SGPL1: variants seen among roughly 807,000 people sequenced by gnomAD.
The protein encoded by SGPL1 is sphingosine-1-phosphate lyase 1, also known as SP-lyase 1.
A neutral mutation model predicts 68.9 loss-of-function variants in SGPL1; 37 were observed. The ratio of observed to expected loss-of-function variants is 0.54; its 90% CI spans 0.41 to 0.71. The LOEUF (loss-of-function observed/expected upper bound fraction) is 0.71, where lower values mean the gene tolerates loss of function less well. SGPL1 is among the 30% of genes least tolerant of loss of function. The pLI is 0.00. For synonymous variants in SGPL1, 236 were observed against 248.5 expected, an observed-to-expected ratio of 0.95 and a Z score of 0.47; for missense variants, 551 against 704.6, an observed-to-expected ratio of 0.78 and a Z score of 2.47.
chr10:70,851,454 G>T, intron 4 of SGPL1, among the ~76,000 whole-genome samples: 1 of 150,934 alleles, frequency 6.6e-6, no homozygotes, highest in Middle Eastern at 3.4e-3. Context: ...GTACAGGGCA[G>T]CCCCCCCCCA....
chr10:70,850,865 G>A (rs1016540846), intron 3 of SGPL1, among the ~76,000 whole-genome samples: 4 of 139,758 alleles, frequency 2.9e-5, no homozygotes, highest in African/African-American at 1.0e-4. Flanking sequence ...AGGAAACTCA[G>A]GGGGGTAGCA....
At chr10:70,875,646 G>T in intron 13 of SGPL1, 98 bp downstream of exon 13, 1 of 888,336 alleles carries the variant, frequency 1.1e-6, no homozygotes, top group Non-Finnish European at 1.7e-6. Flanking sequence ...ACTGCTAGAG[G>T]CTAGCACGTT....
intron 2 of SGPL1, among the ~76,000 whole-genome samples, chr10:70,827,771 C>G (rs561136212): frequency 2.6e-4 from 39 of 152,206 alleles, no homozygotes; most frequent in African/African-American, 8.2e-4. Flanking sequence ...ACTTCCAGAT[C>G]AAGATATTAA....
chr10:70,838,376 T>C (rs955036835), intron 2 of SGPL1, among the ~76,000 whole-genome samples: 1 of 152,200 alleles, frequency 6.6e-6, no homozygotes, highest in African/African-American at 2.4e-5. Context: ...AGTGCTACTA[T>C]TGGAAGTTTG....
At chr10:70,832,165 A>C (rs1845551451) in intron 2 of SGPL1, among the ~76,000 whole-genome samples, 1 of 152,174 alleles carries the variant, frequency 6.6e-6, no homozygotes, top group African/African-American at 2.4e-5. Context: ...TTTTAAATTA[A>C]ATTTACTCAG....
At position 70,854,775 on chromosome 10, in the gene SGPL1, A is replaced by T; in HGVS notation, c.329A>T (p.Lys110Ile). The part of the protein sequence containing the change: ...SKNMSFLKVD[K>I]EYVKALPSQG... Reference sequence around the variant, plus strand: ...AACATGTCATTCCTGAAAGTGGACAAAGAGTATGTGAAAGCTTTACCCTCC... The same window carrying T: ...AACATGTCATTCCTGAAAGTGGACATAGAGTATGTGAAAGCTTTACCCTCC... Residue 110 changes from lysine (K) to isoleucine (I), a missense_variant, in exon 5 of 15, where the codon AAA becomes ATA. Transcript: ENST00000373202. The T allele has an allele frequency of 6.2e-7, 1 of 1,614,044 alleles. No homozygotes were observed. Among genetic ancestry groups the T allele is most frequent in the Non-Finnish European group, 8.5e-7 (1 of 1,179,924 alleles).
rs1225419149 is a variant in SGPL1 at position 70,873,479 on chromosome 10, G to T, written c.1188G>T (p.Arg396=). 2 of 1,614,268 alleles carry T rather than the reference G, an allele frequency of 1.2e-6. No individual in the cohort carries two copies. The highest frequency in any genetic ancestry group is 1.3e-5 in the African/African-American group (1 of 75,074). Residue 396 remains arginine (R), a synonymous_variant, in exon 12 of 15, where the codon CGG becomes CGT. Coordinates refer to ENST00000373202, the MANE Select transcript of SGPL1 (RefSeq NM_003901.4). ...IYASPTIAGS[R]PGGISAACWA... ...CTTCCCCAACCATCGCAGGCTCACG[G>T]CCTGGTGGCATTAGCGCAGCCTGTT...
intron 9 of SGPL1, 185 bp downstream of exon 9, chr10:70,870,082 T>C (rs1589474657): frequency 2.0e-6 from 1 of 500,394 alleles, no homozygotes; most frequent in Non-Finnish European, 3.6e-6. Flanking sequence ...TCATGAATTC[T>C]GAAAGGGAGG....
rs770916811 is a variant in SGPL1 at position 70,854,718 on chromosome 10, A to G, written c.272A>G (p.Lys91Arg). The G allele has an allele frequency of 1.2e-6, 2 of 1,610,124 alleles. No individual in the cohort carries two copies. The highest frequency in any genetic ancestry group is 1.7e-5 in the Admixed American group (1 of 59,202). The change falls in exon 5 of 15, where the codon AAG becomes AGG. Residue 91 changes from lysine to arginine, a missense_variant. Transcript: ENST00000373202. ...MPIIGRKIQD[K>R]LNKTKDDISK... is the part of the protein sequence containing the mutation. ...TTCTTACCTTTGGAGATTCAAGACA[A>G]GTTGAACAAGACCAAGGATGATATT...
chr10:70,846,350 C>G (rs1845791977), intron 3 of SGPL1, among the ~76,000 whole-genome samples: 1 of 148,264 alleles, frequency 6.7e-6, no homozygotes, highest in Admixed American at 6.9e-5. Flanking sequence ...TGAGGGGTAG[C>G]AAGAAATATA....
intron 7 of SGPL1, among the ~76,000 whole-genome samples, chr10:70,863,733 TC>T (rs1378026524): frequency 6.6e-6 from 1 of 152,242 alleles, no homozygotes; most frequent in Non-Finnish European, 1.5e-5. Flanking sequence ...TGTTACACAT[TC>T]TTGAAAGATT....
At chr10:70,846,606 G>T (rs527986939) in intron 3 of SGPL1, among the ~76,000 whole-genome samples, 8 of 152,040 alleles carry the variant, frequency 5.3e-5, no homozygotes, top group East Asian at 1.9e-4. Context: ...ACTCTCTCCC[G>T]CATCCCCTGG....
chr10:70,845,031 C>T (rs1845770740), intron 3 of SGPL1, among the ~76,000 whole-genome samples: 1 of 152,152 alleles, frequency 6.6e-6, no homozygotes, highest in Non-Finnish European at 1.5e-5. Context: ...AGCCACCGTG[C>T]CCGGCCCTGG....
chr10:70,863,011 G>T (rs1286856019), intron 7 of SGPL1, among the ~76,000 whole-genome samples: 4 of 152,054 alleles, frequency 2.6e-5, no homozygotes, highest in East Asian at 3.9e-4. Context: ...TTGAGACAGG[G>T]TGTCACTCTG....
rs913272875 is a variant in SGPL1, at chr10:70,878,065, C to T, written c.*730C>T. On this transcript the variant is annotated 3_prime_UTR_variant, in exon 15 of 15. Transcript: ENST00000373202. ...AACTCCTGACCTCAGGTGATACCCG[C>T]CCCCCCGCCTCAGCCTCCCAAAGTG... The T allele has an allele frequency of 6.6e-5, 10 of 152,074 alleles. No individual in the cohort carries two copies. Among genetic ancestry groups the T allele is most frequent in the East Asian group, 1.9e-4 (1 of 5,180 alleles). 9.4% of individuals were successfully genotyped at this position (152,074 alleles called of 1,614,324 possible). A position where few individuals can be genotyped will look rare whatever the true frequency, so the allele number is the denominator to read the frequency against.
intron 2 of SGPL1, among the ~76,000 whole-genome samples, chr10:70,839,954 T>C (rs1845689621): frequency 6.6e-6 from 1 of 152,126 alleles, no homozygotes; most frequent in South Asian, 2.1e-4. Context: ...TAAGAAAGTT[T>C]ACAAATTTGT....
At chr10:70,857,733 A>G in intron 6 of SGPL1, 43 bp downstream of exon 6, 1 of 1,307,784 alleles carries the variant, frequency 7.6e-7, no homozygotes, top group Non-Finnish European at 1.1e-6. Flanking sequence ...GGTCTGTGCC[A>G]GTTTACATGA....
intron 12 of SGPL1, among the ~76,000 whole-genome samples, chr10:70,873,822 G>T (rs1400279793): frequency 2.0e-5 from 3 of 152,206 alleles, no homozygotes; most frequent in Non-Finnish European, 2.9e-5. Context: ...CTCATTTGTA[G>T]TTTATCTCAT....
intron 7 of SGPL1, among the ~76,000 whole-genome samples, chr10:70,861,574 C>CTG (rs1487111079): frequency 2.0e-5 from 3 of 152,252 alleles, no homozygotes; most frequent in African/African-American, 7.2e-5. Context: ...CACCGCTGCA[C>CTG]TGTAGGAGCC....
Sources: allele counts gnomAD v4.1 joint callset (sites outside exome capture counted in the v4.1 genomes callset), GRCh38; gene constraint gnomAD v4.1.1; transcripts MANE v1.5; gene names NCBI Gene and HGNC (gene_info 2026-07-23, HGNC 2026-07-21).